The following PDE1C variants were observed in gnomAD, a reference collection of about 807,000 sequenced individuals.
PDE1C encodes the protein dual specificity calcium/calmodulin-dependent 3',5'-cyclic nucleotide phosphodiesterase 1C.
PDE1C carries 62 observed loss-of-function variants against 93.1 expected under a neutral mutation model. The ratio of observed to expected loss-of-function variants is 0.67; its 90% CI spans 0.54 to 0.82. The LOEUF (loss-of-function observed/expected upper bound fraction) is 0.82. PDE1C is among the 40% of genes least tolerant of loss of function. PDE1C has a pLI of 0.00. For synonymous variants in PDE1C, 325 were observed against 310.1 expected, an observed-to-expected ratio of 1.05 and a Z score of -0.50; for missense variants, 742 against 884.6, an observed-to-expected ratio of 0.84 and a Z score of 2.04.
intron 1 of PDE1C, among the ~76,000 whole-genome samples, chr7:32,361,332 C>T (rs1784132886): frequency 6.6e-6 from 1 of 152,194 alleles, no homozygotes. Flanking sequence ...AATCCCAGCC[C>T]CTTCATCCCT....
chr7:32,309,968 G>C (rs1193979152), intron 1 of PDE1C, among the ~76,000 whole-genome samples: 2 of 152,186 alleles, frequency 1.3e-5, no homozygotes, highest in South Asian at 2.1e-4. Context: ...ATTGGATAAA[G>C]AGTTAAGACC....
intron 2 of PDE1C, among the ~76,000 whole-genome samples, chr7:31,998,002 TA>T (rs1784942814): frequency 1.4e-5 from 2 of 139,624 alleles, no homozygotes; most frequent in African/African-American, 2.6e-5. Flanking sequence ...TATTTTATTT[TA>T]TTTTATTTTT....
At chr7:31,932,519 C>T (rs1419017964) in intron 2 of PDE1C, among the ~76,000 whole-genome samples, 3 of 152,114 alleles carry the variant, frequency 2.0e-5, no homozygotes, top group African/African-American at 7.2e-5. Flanking sequence ...AATGAGATAC[C>T]ATCTCATACC....
At chr7:31,802,785 ATGTT>A (rs1213177177) in intron 16 of PDE1C, among the ~76,000 whole-genome samples, 3 of 151,364 alleles carry the variant, frequency 2.0e-5, no homozygotes, top group African/African-American at 4.8e-5. Flanking sequence ...TGTCATCCTT[ATGTT>A]TGTTTGTCTG....
chr7:31,656,058 T>C, the PDE1C span: 1 of 966,436 alleles, frequency 1.0e-6, no homozygotes, highest in Non-Finnish European at 1.2e-6. Context: ...GCAGACCCCA[T>C]CTCCTACACA....
the PDE1C span, among the ~76,000 whole-genome samples, chr7:31,654,053 CAAAAA>C: frequency 3.8e-5 from 5 of 130,362 alleles, no homozygotes; most frequent in Admixed American, 7.7e-5. Context: ...AGAGTAAGTC[CAAAAA>C]AAAAAAAAAA....
the PDE1C span, among the ~76,000 whole-genome samples, chr7:31,632,773 TTAAG>T: frequency 1.3e-5 from 2 of 152,242 alleles, no homozygotes; most frequent in Admixed American, 6.5e-5. Context: ...ACAGCAAGCA[TTAAG>T]TAAGAGCCTA....
intron 6 of PDE1C, among the ~76,000 whole-genome samples, chr7:31,866,806 G>A (rs555149607): frequency 6.6e-6 from 1 of 152,138 alleles, no homozygotes; most frequent in Non-Finnish European, 1.5e-5. Flanking sequence ...CGAAAAGAAA[G>A]GTAAGTGAGT....
chr7:31,719,968 C>T, the PDE1C span, among the ~76,000 whole-genome samples: 58,435 of 151,294 alleles, frequency 0.39, 12,149 homozygotes, highest in East Asian at 0.69. Flanking sequence ...CGAGACCATC[C>T]TGGCTAACAA....
At chr7:31,856,781 C>T (rs143319283) in intron 7 of PDE1C, among the ~76,000 whole-genome samples, 21 of 151,870 alleles carry the variant, frequency 1.4e-4, no homozygotes, top group Non-Finnish European at 2.4e-4. Flanking sequence ...TTCTGGCTCC[C>T]GTACTGTACT....
At chr7:31,672,259 A>G in the PDE1C span, among the ~76,000 whole-genome samples, 2 of 152,190 alleles carry the variant, frequency 1.3e-5, no homozygotes, top group African/African-American at 4.8e-5. Context: ...AAAATACATC[A>G]TATGATTTTT....
At chr7:31,899,847 G>C (rs978093911) in intron 2 of PDE1C, among the ~76,000 whole-genome samples, 7 of 152,128 alleles carry the variant, frequency 4.6e-5, no homozygotes, top group Admixed American at 2.6e-4. Context: ...ATTCTCAAGG[G>C]GGGTTGCAAT....
At chr7:31,718,238 C>T in the PDE1C span, among the ~76,000 whole-genome samples, 1 of 152,042 alleles carries the variant, frequency 6.6e-6, no homozygotes, top group East Asian at 1.9e-4. Flanking sequence ...TTTCTGGAAC[C>T]TCTGGCAACA....
chr7:32,250,573 C>T (rs1809302042), intron 1 of PDE1C, among the ~76,000 whole-genome samples: 1 of 152,182 alleles, frequency 6.6e-6, no homozygotes, highest in Admixed American at 6.5e-5. Flanking sequence ...TATGAAATCA[C>T]ATGTCAGTGC....
chr7:31,662,614 A>T, the PDE1C span, among the ~76,000 whole-genome samples: 1 of 152,186 alleles, frequency 6.6e-6, no homozygotes, highest in East Asian at 1.9e-4. Flanking sequence ...GACGTATGTG[A>T]CTGTGTTTGA....
chr7:32,246,590 A>G (rs1268949849), intron 1 of PDE1C, among the ~76,000 whole-genome samples: 2 of 152,192 alleles, frequency 1.3e-5, no homozygotes, highest in Non-Finnish European at 2.9e-5. Context: ...GAGAACATGG[A>G]AATATGTAAT....
At chr7:32,066,976 G>C (rs1180610579) in intron 1 of PDE1C, among the ~76,000 whole-genome samples, 1 of 152,206 alleles carries the variant, frequency 6.6e-6, no homozygotes, top group South Asian at 2.1e-4. Context: ...TGCGTAAGCA[G>C]CATCAGGGCC....
Position 31,899,669 on chromosome 7 carries a change from GAGA to G in PDE1C, c.129-18812_129-18810del, listed in dbSNP as rs374196469. Among the ~76,000 whole-genome samples, 67 of 152,346 alleles carry G rather than the reference GAGA, an allele frequency of 4.4e-4. No homozygotes were observed. The East Asian group carries it at 0.013, about 29-fold the overall frequency. ...AGGAGGCTTCCACGTGCGGGAGACA[GAGA>G]AGGACAAAGGCAGGTACAGTAATGA... On this transcript the variant is annotated intron_variant, in intron 2 of 17. Coordinates refer to ENST00000396191, the MANE Select transcript of PDE1C (RefSeq NM_001191057.4).
chr7:32,271,726 A>C (rs1320505039), intron 1 of PDE1C, among the ~76,000 whole-genome samples: 1 of 152,190 alleles, frequency 6.6e-6, no homozygotes, highest in Non-Finnish European at 1.5e-5. Context: ...CAGGGCCTCC[A>C]CATTATGATA....
Sources: allele counts gnomAD v4.1 joint callset (sites outside exome capture counted in the v4.1 genomes callset), GRCh38; gene constraint gnomAD v4.1.1; transcripts MANE v1.5; gene names NCBI Gene and HGNC (gene_info 2026-07-23, HGNC 2026-07-21).